The following ZNF462 variants were observed in gnomAD, a reference collection of about 807,000 sequenced individuals.
ZNF462 encodes zinc finger PBX1-interacting protein.
ZNF462 carries 10 observed loss-of-function variants against 201.9 expected under a neutral mutation model. That is an observed-to-expected ratio of 0.05 (90% confidence interval 0.03 to 0.08). The LOEUF (loss-of-function observed/expected upper bound fraction) is 0.08, where lower values mean the gene tolerates loss of function less well. Among genes scored for constraint, ZNF462 ranks in the 10% least tolerant of loss-of-function variants. ZNF462 has a pLI of 1.00. For synonymous variants in ZNF462, 1,227 were observed against 1,193.3 expected, an observed-to-expected ratio of 1.03 and a Z score of -0.58; for missense variants, 2,523 against 3,168.3, an observed-to-expected ratio of 0.80 and a Z score of 4.89.
intron 10 of ZNF462, among the ~76,000 whole-genome samples, chr9:106,992,964 C>G (rs1012470766): frequency 6.6e-6 from 1 of 152,064 alleles, no homozygotes; most frequent in African/African-American, 2.4e-5. Flanking sequence ...CAACAAGATA[C>G]TCAAGATCCG....
At chr9:106,915,564 A>G (rs1343919158) in intron 1 of ZNF462, among the ~76,000 whole-genome samples, 1 of 152,220 alleles carries the variant, frequency 6.6e-6, no homozygotes, top group Non-Finnish European at 1.5e-5. Context: ...TTCTCCTGCT[A>G]TAAGGTTGCA....
chr9:106,879,336 C>G (rs1376787889), intron 1 of ZNF462, among the ~76,000 whole-genome samples: 4 of 104,390 alleles, frequency 3.8e-5, no homozygotes, highest in Admixed American at 2.3e-4. Context: ...CTTTCCACCC[C>G]CCCCCCCACC....
intron 1 of ZNF462, among the ~76,000 whole-genome samples, chr9:106,881,393 A>G (rs778613570): frequency 6.6e-6 from 1 of 152,332 alleles, no homozygotes; most frequent in East Asian, 1.9e-4. Flanking sequence ...CCTCAGAGTC[A>G]GTGAGTAACT....
chr9:106,888,903 C>CT (rs1255765639), intron 1 of ZNF462, among the ~76,000 whole-genome samples: 1 of 152,172 alleles, frequency 6.6e-6, no homozygotes, highest in Non-Finnish European at 1.5e-5. Context: ...AACCTTGAGC[C>CT]TTTGTTTTTG....
chr9:106,881,072 C>T (rs370169694), intron 1 of ZNF462, among the ~76,000 whole-genome samples: 8 of 152,150 alleles, frequency 5.3e-5, no homozygotes, highest in Non-Finnish European at 1.0e-4. Flanking sequence ...TGGCATGCTT[C>T]GCCAGATGAG....
intron 1 of ZNF462, among the ~76,000 whole-genome samples, chr9:106,896,976 C>G (rs1384160989): frequency 6.6e-6 from 1 of 152,186 alleles, no homozygotes; most frequent in Non-Finnish European, 1.5e-5. Context: ...GTTGGCCAAC[C>G]ATTCATGAAC....
chr9:106,962,503 TGAG>T lies in ZNF462; in HGVS notation c.6428-9500_6428-9498del, dbSNP rs1484284015. ...TCCTCAAAAATATAAAGAAAAAACA[TGAG>T]GCTTCACACAAAATAAGGTCTTTGA... On this transcript the variant is annotated intron_variant, in intron 7 of 12. Transcript: ENST00000277225. The surrounding 1 kb of genome is among the most constrained non-coding windows in gnomAD (Gnocchi z 4.6). Among the ~76,000 whole-genome samples the T allele has an allele frequency of 6.6e-6, 1 of 151,964 alleles. No individual in the cohort carries two copies. Among genetic ancestry groups the T allele is most frequent in the Non-Finnish European group, 1.5e-5 (1 of 67,962 alleles).
intron 11 of ZNF462, among the ~76,000 whole-genome samples, chr9:107,007,016 T>C (rs1434450259): frequency 6.6e-6 from 1 of 152,182 alleles, no homozygotes; most frequent in African/African-American, 2.4e-5. Context: ...TCTTAACATC[T>C]CTGCACTGTT....
Position 106,905,083 on chromosome 9 carries a change from T to C in ZNF462, c.-30-18271T>C, listed in dbSNP as rs1829212718. ...AGAGGGAAGGTCTATGGCTGAAGAC[T>C]GTTGTTCAGATTCTTTTGTCCCAAG... On this transcript the variant is annotated intron_variant, in intron 1 of 12. Transcript: ENST00000277225. The surrounding 1 kb of genome is among the most constrained non-coding windows in gnomAD (Gnocchi z 5.9). 6.6e-6 allele frequency among the ~76,000 whole-genome samples: 1 copy of C among 152,192 alleles called. No homozygotes were observed. Among genetic ancestry groups the C allele is most frequent in the African/African-American group, 2.4e-5 (1 of 41,440 alleles).
chr9:106,861,902 C>T (rs568512111), upstream of ZNF462, among the ~76,000 whole-genome samples: 484 of 152,254 alleles, frequency 3.2e-3, 1 homozygote, highest in African/African-American at 0.011. Flanking sequence ...TGTTACTTTC[C>T]GAGCCTTTAG....
upstream of ZNF462, chr9:106,863,127 GGAGA>G: frequency 2.5e-6 from 1 of 397,908 alleles, no homozygotes; most frequent in Non-Finnish European, 4.4e-6. Context: ...AGAGAGAGAG[GGAGA>G]GAGACGGATA....
rs146608421 is a variant in ZNF462 at position 106,890,417 on chromosome 9, G to A, written c.-31+27062G>A. 1.9e-3 allele frequency among the ~76,000 whole-genome samples: 291 copies of A among 152,296 alleles called. No individual in the cohort carries two copies. The highest frequency in any genetic ancestry group is 6.5e-3 in the African/African-American group (272 of 41,554). On this transcript the variant is annotated intron_variant, in intron 1 of 12. Coordinates refer to ENST00000277225, the MANE Select transcript of ZNF462 (RefSeq NM_021224.6). The surrounding 1 kb of genome is among the most constrained non-coding windows in gnomAD (Gnocchi z 4.2). Reference sequence around the variant, plus strand: ...GAGAATTCCTTCATTTCCTTCTGGAGTCCTTTTTGGGCATACAAAAATCTA... The same window carrying A: ...GAGAATTCCTTCATTTCCTTCTGGAATCCTTTTTGGGCATACAAAAATCTA...
intron 1 of ZNF462, among the ~76,000 whole-genome samples, chr9:106,866,625 A>T (rs892787082): frequency 1.3e-5 from 2 of 152,076 alleles, no homozygotes; most frequent in African/African-American, 4.8e-5. Flanking sequence ...AAGAGCACTT[A>T]AAAAAAATCC....
chr9:106,956,079 C>T (rs2131836326), intron 7 of ZNF462, among the ~76,000 whole-genome samples: 1 of 152,190 alleles, frequency 6.6e-6, no homozygotes, highest in South Asian at 2.1e-4. Flanking sequence ...AATGGTGATT[C>T]CTTTCGAAAA....
In ZNF462 at chr9:106,930,206, C is replaced by T. The variant is rs755775254; in HGVS notation, c.5848-319C>T. On this transcript the variant is annotated intron_variant, in intron 3 of 12. Transcript: ENST00000277225. The surrounding 1 kb of genome is among the most constrained non-coding windows in gnomAD (Gnocchi z 5.8). ...ATTTTATCAAGAAGTTCATTAATGG[C>T]GCAACTATGCAACGTTTCACCTGCC... Among the ~76,000 whole-genome samples, 5 of 152,188 alleles carry T rather than the reference C, an allele frequency of 3.3e-5. No homozygotes were observed. Among genetic ancestry groups the T allele is most frequent in the Admixed American group, 2.0e-4 (3 of 15,282 alleles).
intron 11 of ZNF462, among the ~76,000 whole-genome samples, chr9:107,004,667 A>C (rs938833337): frequency 6.6e-6 from 1 of 152,140 alleles, no homozygotes; most frequent in Admixed American, 6.5e-5. Flanking sequence ...CATTGTGGAA[A>C]ATTAAATCAA....
Position 106,970,862 on chromosome 9 carries a change from C to G in ZNF462, c.6428-1143C>G, listed in dbSNP as rs941481928. Reference sequence around the variant, plus strand: ...CTTTTTTTTTAATTCAAAGAAGAAACGCTGAGATTTCCCCTCCTCCCTCCT... The same window carrying G: ...CTTTTTTTTTAATTCAAAGAAGAAAGGCTGAGATTTCCCCTCCTCCCTCCT... On this transcript the variant is annotated intron_variant, in intron 7 of 12. Coordinates refer to ENST00000277225, the MANE Select transcript of ZNF462 (RefSeq NM_021224.6). The surrounding 1 kb of genome is among the most constrained non-coding windows in gnomAD (Gnocchi z 4.2). Among the ~76,000 whole-genome samples the G allele has an allele frequency of 6.6e-6, 1 of 150,736 alleles. No homozygotes were observed. Among genetic ancestry groups the G allele is most frequent in the Non-Finnish European group, 1.5e-5 (1 of 67,818 alleles).
chr9:106,926,501 A>C lies in ZNF462; in HGVS notation c.2589A>C (p.Gln863His), dbSNP rs137905921. ...CCCGGAGTGTTAGCACCCACTACCA[A>C]CGAATGCACCCATACATTAAATTCA... is the stretch of plus-strand genomic sequence containing the variant. ...KSARSVSTHY[Q>H]RMHPYIKFSF... Residue 863 changes from glutamine (Q) to histidine (H), a missense_variant, in exon 3 of 13, where the codon CAA becomes CAC. Physicochemically the swap from Gln to His is conservative, Grantham distance 24. Coordinates refer to ENST00000277225, the MANE Select transcript of ZNF462 (RefSeq NM_021224.6). The surrounding 1 kb of genome is among the most constrained non-coding windows in gnomAD (Gnocchi z 7.9). The C allele has an allele frequency of 6.2e-7, 1 of 1,614,182 alleles. No individual in the cohort carries two copies. The highest frequency in any genetic ancestry group is 1.3e-5 in the African/African-American group (1 of 75,030).
Position 106,986,428 on chromosome 9 carries a change from G to T in ZNF462, c.7056+2019G>T, listed in dbSNP as rs1827836206. ...TTGTTATACCTTTCTCAGAAGTTTT[G>T]TAAGATTAAATGAAGTCCTGTATCT... On this transcript the variant is annotated intron_variant, in intron 10 of 12. Coordinates refer to ENST00000277225, the MANE Select transcript of ZNF462 (RefSeq NM_021224.6). Among the ~76,000 whole-genome samples, 3 of 152,244 alleles carry T rather than the reference G, an allele frequency of 2.0e-5. No individual in the cohort carries two copies. In the East Asian group the frequency reaches 5.8e-4, roughly 29 times the overall value.
Sources: allele counts gnomAD v4.1 joint callset (sites outside exome capture counted in the v4.1 genomes callset), GRCh38; gene constraint gnomAD v4.1.1; non-coding constraint Gnocchi (gnomAD v3.1); transcripts MANE v1.5; gene names NCBI Gene and HGNC (gene_info 2026-07-23, HGNC 2026-07-21).